MORF4L1: variants seen among roughly 807,000 people sequenced by gnomAD.
MORF4L1 encodes the protein mortality factor 4 like 1.
A neutral mutation model predicts 52.9 loss-of-function variants in MORF4L1; 4 were observed. That is an observed-to-expected ratio of 0.08 (90% CI 0.04 to 0.17). MORF4L1 has a LOEUF of 0.17. Ranked by LOEUF, MORF4L1 falls within the 10% of genes least tolerant of loss-of-function variation. The pLI is 1.00. For missense variants in MORF4L1, 214 were observed against 390.4 expected (o/e 0.55, Z 3.81); for synonymous variants, 123 against 134.8 (o/e 0.91, Z 0.61).
chr15:78,892,382 A>T (rs981293513), intron 8 of MORF4L1, 69 bp downstream of exon 8: 34 of 1,070,718 alleles, frequency 3.2e-5, no homozygotes, highest in African/African-American at 4.8e-5. Context: ...AAGTTTTTAA[A>T]GGAAAATGTT....
At chr15:78,884,175 G>T (rs1431181559) in intron 3 of MORF4L1, among the ~76,000 whole-genome samples, 1 of 149,544 alleles carries the variant, frequency 6.7e-6, no homozygotes, top group Non-Finnish European at 1.5e-5. Context: ...CTGCACTCCA[G>T]CCTGGGCGAC....
At chr15:78,892,354 C>G in intron 8 of MORF4L1, 41 bp downstream of exon 8, 2 of 1,430,610 alleles carry the variant, frequency 1.4e-6, no homozygotes, top group African/African-American at 1.4e-5. Context: ...CTATATGATA[C>G]ATTCTTGCTA....
At position 78,880,972 on chromosome 15, in the gene MORF4L1, T is replaced by TA. The variant is rs893504317; in HGVS notation, c.155+401dup. On this transcript the variant is annotated intron_variant, in intron 3 of 11. Transcript: ENST00000426013. ...TATATGTTATTTCAAGCAGCTGTGC[T>TA]AAAAAAAACTAGTTGGGTTTTCTGT... Among the ~76,000 whole-genome samples, 132 of 151,490 alleles carry TA rather than the reference T, an allele frequency of 8.7e-4. 1 individual carries two copies. Among genetic ancestry groups the TA allele is most frequent in the African/African-American group, 2.7e-3 (111 of 41,376 alleles).
rs1229874183 is a variant in MORF4L1, at chr15:78,894,107, G to A, written c.679G>A (p.Val227Ile). 5.0e-6 allele frequency: 8 copies of A among 1,613,706 alleles called. No homozygotes were observed. Among genetic ancestry groups the A allele is most frequent in the Admixed American group, 1.7e-5 (1 of 59,964 alleles). ...VVAGIKEYFN[V>I]MLGTQLLYKF... ...GGCAGGGATAAAAGAATACTTCAACGTAATGTTGGGTACCCAGCTACTCTA... is the reference window on the plus strand; with the variant it reads ...GGCAGGGATAAAAGAATACTTCAACATAATGTTGGGTACCCAGCTACTCTA... The change falls in exon 10 of 12, where the codon GTA becomes ATA. Residue 227 changes from valine (V) to isoleucine (I), a missense_variant. Physicochemically the swap from Val to Ile is conservative, Grantham distance 29 (BLOSUM62 3). This residue lies in a region of MORF4L1 where 68 missense variants were observed against 171.6 expected (regional missense o/e 0.40). Transcript: ENST00000426013.
chr15:78,877,937 A>G (rs549157560), intron 1 of MORF4L1: 3 of 319,406 alleles, frequency 9.4e-6, no homozygotes, highest in South Asian at 1.0e-4. Context: ...GCTTTGCAGG[A>G]GAGTCCGCTT....
chr15:78,891,640 G>A, intron 7 of MORF4L1, 68 bp downstream of exon 7: 1 of 1,264,870 alleles, frequency 7.9e-7, no homozygotes, highest in Non-Finnish European at 1.1e-6. Flanking sequence ...ACATAACCAT[G>A]GGAGCTTTGA....
At chr15:78,874,819 G>A (rs1371009748) in intron 1 of MORF4L1, among the ~76,000 whole-genome samples, 1 of 150,980 alleles carries the variant, frequency 6.6e-6, no homozygotes, top group African/African-American at 2.4e-5. Flanking sequence ...TTTTAGAGCA[G>A]ATATTCTTAA....
chr15:78,888,485 G>GAC (rs2056744553), intron 5 of MORF4L1, among the ~76,000 whole-genome samples: 1 of 152,026 alleles, frequency 6.6e-6, no homozygotes, highest in Admixed American at 6.6e-5. Flanking sequence ...GAAAGTGGAT[G>GAC]ACAAGAGTGG....
chr15:78,891,700 C>T, intron 7 of MORF4L1, 128 bp downstream of exon 7: 1 of 700,798 alleles, frequency 1.4e-6, no homozygotes. Context: ...TAAAAATTTT[C>T]TCTTTTGGGG....
intron 8 of MORF4L1, 163 bp downstream of exon 8, chr15:78,892,476 G>A: frequency 2.0e-6 from 1 of 491,298 alleles, no homozygotes; most frequent in Non-Finnish European, 3.7e-6. Flanking sequence ...CTACCAGAAA[G>A]AGTAAGTTAG....
intron 11 of MORF4L1, 83 bp from the exon 12 acceptor site, chr15:78,896,900 G>A (rs1827842964): frequency 9.7e-7 from 1 of 1,026,740 alleles, no homozygotes. Flanking sequence ...GTTTTCTGTG[G>A]CTTATGTATA....
At chr15:78,883,224 A>G (rs1023861325) in intron 3 of MORF4L1, among the ~76,000 whole-genome samples, 1 of 151,958 alleles carries the variant, frequency 6.6e-6, no homozygotes, top group Non-Finnish European at 1.5e-5. Flanking sequence ...AAAAAAAAAA[A>G]AAGCGATTGA....
chr15:78,881,188 C>CTTTTTTTT (rs777713555), intron 3 of MORF4L1, among the ~76,000 whole-genome samples: 84 of 13,692 alleles, frequency 6.1e-3, no homozygotes, highest in Non-Finnish European at 8.8e-3. Flanking sequence ...AAGAGTTAAG[C>CTTTTTTTT]CTTTTTTTTT....
chr15:78,880,627 G>C (rs2056584312), intron 3 of MORF4L1, 48 bp downstream of exon 3: 1 of 1,384,036 alleles, frequency 7.2e-7, no homozygotes, highest in East Asian at 2.3e-5. Flanking sequence ...AAGATAGCTT[G>C]TGTCACTGAC....
At chr15:78,889,577 A>AT (rs1377922267) in intron 5 of MORF4L1, among the ~76,000 whole-genome samples, 1 of 152,144 alleles carries the variant, frequency 6.6e-6, no homozygotes, top group Non-Finnish European at 1.5e-5. Flanking sequence ...TGGGTAAAGG[A>AT]TTGAGTGTGA....
At chr15:78,882,086 A>G (rs1381201055) in intron 3 of MORF4L1, among the ~76,000 whole-genome samples, 1 of 152,236 alleles carries the variant, frequency 6.6e-6, no homozygotes, top group Non-Finnish European at 1.5e-5. Context: ...TAAATGTGGA[A>G]AGGTAGAAAT....
chr15:78,896,347 G>C (rs1234244498), intron 11 of MORF4L1, among the ~76,000 whole-genome samples: 2 of 112,834 alleles, frequency 1.8e-5, no homozygotes, highest in Non-Finnish European at 3.3e-5. Context: ...GGAGTTTCAC[G>C]CTTGTCCATG....
At chr15:78,892,917 A>T (rs1303302914) in intron 8 of MORF4L1, 1 of 153,310 alleles carries the variant, frequency 6.5e-6, no homozygotes, top group East Asian at 1.9e-4. Context: ...CAGTATGTGG[A>T]TATAGTTTGA....
rs1336184928 is a variant in MORF4L1 at position 78,897,920 on chromosome 15, T to C, written c.*853T>C. Reference sequence around the variant, plus strand: ...CTTTGGCAGTTTGCTGTCTTGAGTCTTAGCTAAAAAGTTAGAAGTTTACAT... The same window carrying C: ...CTTTGGCAGTTTGCTGTCTTGAGTCCTAGCTAAAAAGTTAGAAGTTTACAT... On this transcript the variant is annotated 3_prime_UTR_variant, in exon 12 of 12. Coordinates refer to ENST00000426013, the MANE Select transcript of MORF4L1 (RefSeq NM_006791.4). 1.3e-5 allele frequency: 2 copies of C among 152,324 alleles called. No homozygotes were observed. Among genetic ancestry groups the C allele is most frequent in the African/African-American group, 4.8e-5 (2 of 41,448 alleles). The allele number at this position is 152,324 out of a possible 1,614,324, so 9.4% of individuals were successfully genotyped here. A position where few individuals can be genotyped will look rare whatever the true frequency, so the allele number is the denominator to read the frequency against.
Sources: allele counts gnomAD v4.1 joint callset (sites outside exome capture counted in the v4.1 genomes callset), GRCh38; gene constraint gnomAD v4.1.1; regional missense constraint gnomAD v4.1.1; transcripts MANE v1.5; gene names NCBI Gene and HGNC (gene_info 2026-07-23, HGNC 2026-07-21).